Variants in MLIP observed in about 807,000 individuals in gnomAD.
The protein encoded by MLIP is muscular LMNA-interacting protein.
MLIP carries 79 observed loss-of-function variants against 84.8 expected under a neutral mutation model. That is an observed-to-expected ratio of 0.93 (90% CI 0.78 to 1.12). The LOEUF (loss-of-function observed/expected upper bound fraction) is 1.12, where lower values mean the gene tolerates loss of function less well. Among genes scored for constraint, MLIP ranks in the 50% most tolerant of loss-of-function variants. The pLI is 0.00. For missense variants in MLIP, 1,257 were observed against 1,160.6 expected, an observed-to-expected ratio of 1.08 and a Z score of -1.21; for synonymous variants, 504 against 463.0, an observed-to-expected ratio of 1.09 and a Z score of -1.14.
chr6:54,021,878 A>G (rs1763517407), intron 1 of MLIP, among the ~76,000 whole-genome samples: 1 of 152,244 alleles, frequency 6.6e-6, no homozygotes, highest in Non-Finnish European at 1.5e-5. Flanking sequence ...ATCAATTAAC[A>G]TGGACTTAAA....
upstream of MLIP, chr6:54,111,383 T>G: frequency 6.7e-7 from 1 of 1,486,118 alleles, no homozygotes; most frequent in Non-Finnish European, 8.9e-7. Flanking sequence ...CTTTTTAGAA[T>G]TTCTTCTTTC....
intron 1 of MLIP, among the ~76,000 whole-genome samples, chr6:54,096,790 G>C (rs1050076493): frequency 5.9e-5 from 9 of 152,134 alleles, no homozygotes; most frequent in Non-Finnish European, 1.2e-4. Flanking sequence ...GCAACATCCA[G>C]TTATTAATGA....
chr6:54,123,774 G>C (rs1582202824), intron 2 of MLIP, among the ~76,000 whole-genome samples: 1 of 152,272 alleles, frequency 6.6e-6, no homozygotes, highest in East Asian at 1.9e-4. Flanking sequence ...AGTATACATG[G>C]CTGTCATAGT....
chr6:54,116,325 T>A (rs1470797214), intron 1 of MLIP, among the ~76,000 whole-genome samples: 1 of 152,322 alleles, frequency 6.6e-6, no homozygotes, highest in East Asian at 1.9e-4. Context: ...CAAGAGTGAT[T>A]GCTCAATAAA....
Position 54,130,371 on chromosome 6 carries a change from C to T in MLIP, c.645+5506C>T, listed in dbSNP as rs116263075. ...TGTCAGAACTTGGCTGGGGAGGTAA[C>T]GACTGAATCAGAGGTCAGAGGCAAT... On this transcript the variant is annotated intron_variant, in intron 3 of 13. Transcript: ENST00000502396. 2.2e-3 allele frequency among the ~76,000 whole-genome samples: 336 copies of T among 152,084 alleles called. 2 individuals are homozygous for T. Among genetic ancestry groups the T allele is most frequent in the African/African-American group, 7.7e-3 (319 of 41,490 alleles).
chr6:54,117,582 A>AT (rs1770052055), intron 1 of MLIP, among the ~76,000 whole-genome samples: 1 of 152,002 alleles, frequency 6.6e-6, no homozygotes, highest in Admixed American at 6.6e-5. Flanking sequence ...AAAGAAAGAG[A>AT]TAAAAGGCAT....
intron 11 of MLIP, among the ~76,000 whole-genome samples, chr6:54,224,575 A>T (rs1351041095): frequency 6.6e-6 from 1 of 151,934 alleles, no homozygotes; most frequent in Non-Finnish European, 1.5e-5. Context: ...GAATTCTTTT[A>T]TTATTATTAT....
chr6:54,249,322 C>T (rs528774758), intron 12 of MLIP, among the ~76,000 whole-genome samples: 4 of 152,008 alleles, frequency 2.6e-5, no homozygotes, highest in Non-Finnish European at 4.4e-5. Context: ...AACTTGGGAA[C>T]CTTTGGGCAT....
In MLIP at chr6:54,124,531, C is replaced by T. The variant is rs140282045; in HGVS notation, c.311C>T (p.Ala104Val). ...NAGSQQERDQ[A>V]KLTCPSEVSG... ...GGGAGCCAACAAGAGAGAGACCAAG[C>T]GAAATTGACTTGTCCTTCAGAGGTC... Residue 104 changes from alanine (A) to valine (V), a missense_variant, in exon 3 of 14, where the codon GCG (alanine) becomes GTG (valine). Physicochemically the swap from Ala to Val is moderately conservative, Grantham distance 64 (BLOSUM62 0). Transcript: ENST00000502396. The T allele has an allele frequency of 1.1e-5, 18 of 1,613,990 alleles. No individual in the cohort carries two copies. Among genetic ancestry groups the T allele is most frequent in the Middle Eastern group, 1.6e-4 (1 of 6,084 alleles).
chr6:54,029,163 A>G (rs931101717), intron 1 of MLIP: 7 of 152,184 alleles, frequency 4.6e-5, no homozygotes, highest in Non-Finnish European at 1.0e-4. Flanking sequence ...AATCATTTCA[A>G]TAAATGATGG....
At chr6:54,235,711 A>C (rs548859729) in intron 12 of MLIP, among the ~76,000 whole-genome samples, 2 of 152,282 alleles carry the variant, frequency 1.3e-5, no homozygotes, top group South Asian at 4.1e-4. Context: ...TTATGGATTT[A>C]CCAGTTTGTT....
chr6:54,121,164 T>G (rs1770416955), intron 1 of MLIP, among the ~76,000 whole-genome samples: 1 of 152,142 alleles, frequency 6.6e-6, no homozygotes, highest in South Asian at 2.1e-4. Context: ...AAATGCTCTG[T>G]GAGATTCCAG....
At chr6:54,221,588 T>A (rs888453423) in intron 11 of MLIP, among the ~76,000 whole-genome samples, 2 of 152,024 alleles carry the variant, frequency 1.3e-5, no homozygotes, top group Admixed American at 6.6e-5. Context: ...AATACAGTCA[T>A]TAGAATATGA....
chr6:54,217,212 T>A, intron 11 of MLIP: 1 of 985,382 alleles, frequency 1.0e-6, no homozygotes, highest in Non-Finnish European at 1.2e-6. Context: ...GGGGACAGCA[T>A]GAGTGAAGAG....
chr6:54,022,461 T>C (rs994998702), intron 1 of MLIP, among the ~76,000 whole-genome samples: 1 of 152,220 alleles, frequency 6.6e-6, no homozygotes, highest in Non-Finnish European at 1.5e-5. Flanking sequence ...GGAATAATGA[T>C]AGACAAAGAG....
intron 2 of MLIP, among the ~76,000 whole-genome samples, chr6:54,122,157 A>G (rs1483276937): frequency 6.6e-6 from 1 of 152,196 alleles, no homozygotes; most frequent in Non-Finnish European, 1.5e-5. Flanking sequence ...GAAATATTAC[A>G]AAAGAAGAAA....
chr6:54,141,923 C>A (rs564462553), intron 4 of MLIP, among the ~76,000 whole-genome samples: 15 of 152,292 alleles, frequency 9.8e-5, no homozygotes, highest in Middle Eastern at 3.4e-3. Flanking sequence ...ATTTAGGGAA[C>A]AAGTTGAGAG....
At chr6:54,183,721 G>A (rs1360031089) in intron 9 of MLIP, among the ~76,000 whole-genome samples, 1 of 147,698 alleles carries the variant, frequency 6.8e-6, no homozygotes, top group African/African-American at 2.5e-5. Context: ...ATGGTCTTTA[G>A]TGAGATATTT....
chr6:54,251,441 CATAT>C (rs148476876), intron 12 of MLIP, among the ~76,000 whole-genome samples: 8,572 of 88,680 alleles, frequency 0.097, 614 homozygotes, highest in East Asian at 0.2. Context: ...TGAAACAAGC[CATAT>C]ATATATATAT....
Sources: gnomAD v4.1 joint callset for allele counts (sites outside exome capture counted in the v4.1 genomes callset) on GRCh38, gnomAD v4.1.1 for gene constraint, MANE v1.5 for transcripts, NCBI Gene and HGNC (gene_info 2026-07-23, HGNC 2026-07-21) for gene names.